Variants in SYTL5 observed in about 807,000 individuals in gnomAD.
SYTL5 encodes synaptotagmin-like protein 5.
In SYTL5, 34 loss-of-function variants were observed where a neutral mutation model predicts 55.9. The observed-to-expected ratio is 0.61, with a 90% CI of 0.46 to 0.81. The LOEUF (loss-of-function observed/expected upper bound fraction) is 0.81, where lower values mean the gene tolerates loss of function less well. SYTL5 is among the 30% of genes least tolerant of loss of function. The pLI, the probability that SYTL5 is intolerant of heterozygous loss-of-function variation, is 0.00. For synonymous variants in SYTL5, 221 were observed against 188.7 expected (o/e 1.17, Z -1.40); for missense variants, 637 against 546.7 (o/e 1.17, Z -1.65).
intron 15 of SYTL5, among the ~76,000 whole-genome samples, chrX:38,122,732 G>A (rs1451455382): frequency 8.9e-6 from 1 of 111,899 alleles, no homozygotes; most frequent in Non-Finnish European, 1.9e-5. Context: ...TGGAGCAAAG[G>A]GCAGCTTCCT....
At chrX:37,962,794 T>A in the SYTL5 span, among the ~76,000 whole-genome samples, 14 of 112,291 alleles carry the variant, frequency 1.2e-4, no homozygotes, top group East Asian at 3.6e-3. Context: ...TATCTCATTG[T>A]GGTTTTGATT....
the SYTL5 span, among the ~76,000 whole-genome samples, chrX:37,903,564 G>C: frequency 1.4e-5 from 1 of 70,585 alleles, no homozygotes; most frequent in African/African-American, 5.5e-5. Flanking sequence ...GTGGGGGGAG[G>C]GGGGAGGGAT....
At chrX:38,095,626 T>C (rs1936914128) in intron 8 of SYTL5, among the ~76,000 whole-genome samples, 1 of 112,153 alleles carries the variant, frequency 8.9e-6, no homozygotes, top group African/African-American at 3.2e-5. Flanking sequence ...TTCCTCTCAT[T>C]GCATCTATAG....
At chrX:38,056,293 A>G (rs573728886) in intron 3 of SYTL5, among the ~76,000 whole-genome samples, 35 of 111,896 alleles carry the variant, frequency 3.1e-4, no homozygotes, top group African/African-American at 1.0e-3. Context: ...AAATGAGTGG[A>G]TCTCATTCCT....
chrX:37,940,895 G>C, the SYTL5 span, among the ~76,000 whole-genome samples: 1 of 110,729 alleles, frequency 9.0e-6, no homozygotes, highest in Non-Finnish European at 1.9e-5. Context: ...ATTCTTGGAG[G>C]CAGTTGTTTT....
chrX:38,119,242 T>G (rs1937542769), intron 13 of SYTL5, among the ~76,000 whole-genome samples: 1 of 111,038 alleles, frequency 9.0e-6, no homozygotes, highest in African/African-American at 3.3e-5. Flanking sequence ...ATCACCTTTA[T>G]AGGTTTGTGT....
chrX:38,110,123 G>C (rs987019291), intron 12 of SYTL5, among the ~76,000 whole-genome samples, 198 bp from the exon 13 acceptor site: 3 of 111,866 alleles, frequency 2.7e-5, no homozygotes, highest in African/African-American at 9.7e-5. Context: ...TCAATGCAAA[G>C]TCTGGCACAA....
At chrX:37,953,805 A>C in the SYTL5 span, among the ~76,000 whole-genome samples, 1 of 111,305 alleles carries the variant, frequency 9.0e-6, no homozygotes. Flanking sequence ...GATTACAGCA[A>C]CTTGAGAAGT....
chrX:37,918,082 GGTAT>G, the SYTL5 span, among the ~76,000 whole-genome samples: 2 of 111,258 alleles, frequency 1.8e-5, no homozygotes, highest in African/African-American at 6.5e-5. Flanking sequence ...GGTATTAGGT[GGTAT>G]GATTTTTATG....
chrX:38,031,483 C>A (rs1382659339), intron 1 of SYTL5, among the ~76,000 whole-genome samples: 1 of 111,751 alleles, frequency 8.9e-6, no homozygotes. Context: ...GTATTTATAG[C>A]CCAAGGCAGG....
chrX:37,932,681 A>G, the SYTL5 span, among the ~76,000 whole-genome samples: 1 of 111,820 alleles, frequency 8.9e-6, no homozygotes, highest in South Asian at 3.7e-4. Context: ...CTCAAAAACT[A>G]GTGGCTAAAA....
the SYTL5 span, chrX:37,949,519 C>T: frequency 8.9e-6 from 1 of 111,899 alleles, no homozygotes; most frequent in Non-Finnish European, 1.9e-5. Flanking sequence ...AAAGAGTAAG[C>T]TATCATGCCA....
chrX:37,947,456 T>C, the SYTL5 span, among the ~76,000 whole-genome samples: 1 of 111,691 alleles, frequency 9.0e-6, no homozygotes, highest in Non-Finnish European at 1.9e-5. Context: ...CCTGCCACCA[T>C]GTAAGACATG....
intron 1 of SYTL5, among the ~76,000 whole-genome samples, chrX:38,025,789 G>T (rs1422396468): frequency 8.9e-6 from 1 of 112,282 alleles, no homozygotes; most frequent in Non-Finnish European, 1.9e-5. Flanking sequence ...TCCAGGTGAG[G>T]TATGAAATCG....
the SYTL5 span, among the ~76,000 whole-genome samples, chrX:37,900,117 GACAC>G: frequency 5.7e-5 from 6 of 105,247 alleles, no homozygotes; most frequent in African/African-American, 1.4e-4. Context: ...CACACACAAA[GACAC>G]ACACACACAC....
the SYTL5 span, among the ~76,000 whole-genome samples, chrX:37,992,543 T>C: frequency 8.9e-6 from 1 of 112,994 alleles, no homozygotes; most frequent in African/African-American, 3.2e-5. Flanking sequence ...TCTCCATCTG[T>C]GGGTTTTCCC....
the SYTL5 span, among the ~76,000 whole-genome samples, chrX:37,895,687 A>G: frequency 4.4e-4 from 48 of 109,540 alleles, no homozygotes; most frequent in African/African-American, 1.6e-3. Context: ...GAAAAGAAAA[A>G]AACGTAGGAA....
chrX:38,005,480 A>G (rs1484258298), upstream of SYTL5, among the ~76,000 whole-genome samples: 3 of 111,797 alleles, frequency 2.7e-5, no homozygotes, highest in African/African-American at 9.7e-5. Flanking sequence ...AAAGGAAAAT[A>G]TGATCTTTAT....
the SYTL5 span, among the ~76,000 whole-genome samples, chrX:37,982,047 T>C: frequency 8.9e-6 from 1 of 112,043 alleles, no homozygotes; most frequent in Non-Finnish European, 1.9e-5. Flanking sequence ...ATAATCCATA[T>C]ACCAGAAAAA....
Sources: gnomAD v4.1 joint callset for allele counts (sites outside exome capture counted in the v4.1 genomes callset) on GRCh38, gnomAD v4.1.1 for gene constraint, MANE v1.5 for transcripts, NCBI Gene and HGNC (gene_info 2026-07-23, HGNC 2026-07-21) for gene names.